Variants in A1CF observed in about 807,000 individuals in gnomAD.
A1CF encodes the protein APOBEC-1 stimulating protein.
A1CF carries 48 observed loss-of-function variants against 68.9 expected under a neutral mutation model. That is an observed-to-expected ratio of 0.70 (90% CI 0.55 to 0.89). The LOEUF (loss-of-function observed/expected upper bound fraction) is 0.89, where lower values mean the gene tolerates loss of function less well. A1CF is among the 40% of genes least tolerant of loss of function. A1CF has a pLI of 0.00. For synonymous variants in A1CF, 272 were observed against 260.4 expected, an observed-to-expected ratio of 1.04 and a Z score of -0.43; for missense variants, 653 against 718.9, an observed-to-expected ratio of 0.91 and a Z score of 1.05.
At chr10:50,837,520 C>T (rs1234123060) in intron 5 of A1CF, among the ~76,000 whole-genome samples, 4 of 152,214 alleles carry the variant, frequency 2.6e-5, no homozygotes, top group African/African-American at 9.6e-5. Flanking sequence ...TCTTTAAAAT[C>T]TCCCCCAAAT....
At chr10:50,838,327 G>C (rs534101811) in intron 5 of A1CF, among the ~76,000 whole-genome samples, 1 of 152,274 alleles carries the variant, frequency 6.6e-6, no homozygotes, top group South Asian at 2.1e-4. Flanking sequence ...TGCCAGGAGT[G>C]TGGTTCTCAA....
At chr10:50,832,129 C>A (rs1022531221) in intron 6 of A1CF, among the ~76,000 whole-genome samples, 1 of 152,158 alleles carries the variant, frequency 6.6e-6, no homozygotes. Context: ...TTTATTGAAG[C>A]ATTATTCACA....
intron 2 of A1CF, among the ~76,000 whole-genome samples, chr10:50,861,381 G>A (rs1029882210): frequency 6.7e-6 from 1 of 149,310 alleles, no homozygotes; most frequent in African/African-American, 2.4e-5. Flanking sequence ...TGCAGCACTA[G>A]TAGTAATGAC....
chr10:50,824,921 T>C (rs1025189201), intron 7 of A1CF, among the ~76,000 whole-genome samples: 1 of 152,212 alleles, frequency 6.6e-6, no homozygotes, highest in Non-Finnish European at 1.5e-5. Flanking sequence ...AAGTGCCCAC[T>C]GCAATGCTTG....
rs1024229906 is a variant in A1CF, at chr10:50,803,079, T to G, written c.*3650A>C. 2.0e-5 allele frequency: 3 copies of G among 152,180 alleles called. No individual in the cohort carries two copies. Among genetic ancestry groups the G allele is most frequent in the Non-Finnish European group, 4.4e-5 (3 of 68,048 alleles). The allele number at this position is 152,180 out of a possible 1,614,324, so 9.4% of individuals were successfully genotyped here. On this transcript the variant is annotated 3_prime_UTR_variant, in exon 13 of 13. Coordinates refer to ENST00000373997, the MANE Select transcript of A1CF (RefSeq NM_014576.4). ...CTGTGGTTTGGAAACAGGTTCCTTT[T>G]TGTTAGATATTTATTTTTGCTTTTT...
intron 10 of A1CF, among the ~76,000 whole-genome samples, chr10:50,813,175 G>A (rs1429887604): frequency 6.6e-6 from 1 of 152,202 alleles, no homozygotes; most frequent in East Asian, 1.9e-4. Flanking sequence ...CTCAGGGTTA[G>A]CATAGACTCT....
At chr10:50,813,489 T>C (rs1838218961) in intron 10 of A1CF, among the ~76,000 whole-genome samples, 1 of 152,190 alleles carries the variant, frequency 6.6e-6, no homozygotes, top group African/African-American at 2.4e-5. Flanking sequence ...GGCACTGCCA[T>C]AATACTCTTC....
At chr10:50,852,002 A>G (rs1439848537) in intron 3 of A1CF, among the ~76,000 whole-genome samples, 3 of 152,228 alleles carry the variant, frequency 2.0e-5, no homozygotes, top group African/African-American at 7.2e-5. Context: ...ACTTAATTTT[A>G]GTTGCCAATC....
chr10:50,849,106 A>C (rs994931721), intron 3 of A1CF, among the ~76,000 whole-genome samples: 1 of 152,150 alleles, frequency 6.6e-6, no homozygotes, highest in African/African-American at 2.4e-5. Context: ...AGGAAAGTCT[A>C]TGGGGCCATA....
intron 3 of A1CF, among the ~76,000 whole-genome samples, chr10:50,845,661 T>C (rs1839965126): frequency 6.6e-6 from 1 of 152,172 alleles, no homozygotes; most frequent in East Asian, 1.9e-4. Flanking sequence ...TACATTAAAA[T>C]ATTCCTTATT....
At chr10:50,863,270 G>A (rs554401995) in intron 2 of A1CF, among the ~76,000 whole-genome samples, 12 of 152,232 alleles carry the variant, frequency 7.9e-5, no homozygotes, top group African/African-American at 2.4e-4. Context: ...GAGTGAACTC[G>A]AATCCCAGAT....
intron 8 of A1CF, 24 bp downstream of exon 8, chr10:50,820,528 A>AT: frequency 2.5e-6 from 4 of 1,605,068 alleles, no homozygotes; most frequent in South Asian, 1.1e-5. Flanking sequence ...TAATCTGCAT[A>AT]TTTTTTTCTT....
chr10:50,828,343 A>C (rs755292226), intron 6 of A1CF, 48 bp from the exon 7 acceptor site: 90 of 1,403,172 alleles, frequency 6.4e-5, no homozygotes, highest in Non-Finnish European at 8.3e-5. Context: ...GAATCAGGAC[A>C]ACATCATCTC....
chr10:50,833,597 GAA>G, intron 6 of A1CF, among the ~76,000 whole-genome samples: 1 of 152,280 alleles, frequency 6.6e-6, no homozygotes, highest in Admixed American at 6.5e-5. Flanking sequence ...AATTAAGAAA[GAA>G]AAGTTTCTTG....
At chr10:50,827,313 A>G (rs569722480) in intron 7 of A1CF, among the ~76,000 whole-genome samples, 16 of 152,324 alleles carry the variant, frequency 1.1e-4, no homozygotes, top group African/African-American at 3.8e-4. Context: ...TCTCCACCCC[A>G]AATCAACAGA....
At chr10:50,821,946 C>T (rs1370633313) in intron 7 of A1CF, among the ~76,000 whole-genome samples, 2 of 152,126 alleles carry the variant, frequency 1.3e-5, no homozygotes, top group African/African-American at 4.8e-5. Context: ...AATATAAATA[C>T]ACTCATACAG....
At chr10:50,822,002 T>C (rs1325426105) in intron 7 of A1CF, among the ~76,000 whole-genome samples, 1 of 152,204 alleles carries the variant, frequency 6.6e-6, no homozygotes, top group African/African-American at 2.4e-5. Flanking sequence ...CAGAGGTTAC[T>C]TCAGGAATGG....
intron 7 of A1CF, chr10:50,822,811 C>T (rs916942407): frequency 6.6e-6 from 1 of 152,168 alleles, no homozygotes. Flanking sequence ...AGAAGGAAGA[C>T]GTTGGCCAAT....
chr10:50,861,437 G>A (rs1840741047), intron 2 of A1CF, among the ~76,000 whole-genome samples: 1 of 148,270 alleles, frequency 6.7e-6, no homozygotes, highest in South Asian at 2.1e-4. Context: ...TATAGTAATA[G>A]GTATTCTATT....
Sources: allele counts gnomAD v4.1 joint callset (sites outside exome capture counted in the v4.1 genomes callset), GRCh38; gene constraint gnomAD v4.1.1; transcripts MANE v1.5; gene names NCBI Gene and HGNC (gene_info 2026-07-23, HGNC 2026-07-21).